Variants in EDN3 observed in about 807,000 individuals in gnomAD.
The protein encoded by EDN3 is endothelin-3.
Under a neutral mutation model 21.4 loss-of-function variants are expected in EDN3, and 9 were observed. The observed-to-expected ratio is 0.42, with a 90% CI of 0.25 to 0.73. The LOEUF is 0.73. EDN3 is among the 30% of genes least tolerant of loss of function. The pLI, the probability that EDN3 is intolerant of heterozygous loss-of-function variation, is 0.26. For missense variants in EDN3, 327 were observed against 309.4 expected, an observed-to-expected ratio of 1.06 and a Z score of -0.43; for synonymous variants, 133 against 126.2, an observed-to-expected ratio of 1.05 and a Z score of -0.36.
chr20:59,309,082 C>A (rs1468595542), intron 2 of EDN3, among the ~76,000 whole-genome samples: 2 of 152,214 alleles, frequency 1.3e-5, no homozygotes, highest in Admixed American at 1.3e-4. Context: ...GCCCTTCCAG[C>A]CCCTCCTTTC....
Position 59,322,437 on chromosome 20 carries a change from G to T in EDN3, c.588+20G>T. The T allele has an allele frequency of 6.2e-7, 1 of 1,614,232 alleles. No homozygotes were observed. The highest frequency in any genetic ancestry group is 8.5e-7 in the Non-Finnish European group (1 of 1,180,042). On this transcript the variant is annotated intron_variant, in intron 4 of 4. Transcript: ENST00000337938. The surrounding 1 kb of genome is among the most constrained non-coding windows in gnomAD (Gnocchi z 4.1). Reference sequence around the variant, plus strand: ...GGGAAGGTGAGAGGTGCCAACAGAGGCCTGTGTCAAAGGAGGTGAAGATGT... The same window carrying T: ...GGGAAGGTGAGAGGTGCCAACAGAGTCCTGTGTCAAAGGAGGTGAAGATGT...
At chr20:59,318,711 C>T (rs767324240) in intron 2 of EDN3, among the ~76,000 whole-genome samples, 13 of 152,206 alleles carry the variant, frequency 8.5e-5, no homozygotes, top group African/African-American at 2.9e-4. Context: ...GCTTGGCGGC[C>T]GGGGAAGTGC....
In EDN3 at chr20:59,301,707, G is replaced by C. The variant is rs774607474; in HGVS notation, c.350G>C (p.Trp117Ser). ...TACTATTGCCACCTGGACATCATTT[G>C]GATCAACACTCCCGAGTAAGTCAGC... ...CVYYCHLDII[W>S]INTPEQTVPY... The change falls in exon 2 of 5, where the codon TGG becomes TCG. Residue 117 changes from tryptophan (W) to serine (S), a missense_variant. Trp to Ser is a radical substitution (Grantham distance 177). Coordinates refer to ENST00000337938, the MANE Select transcript of EDN3 (RefSeq NM_207034.3). The C allele has an allele frequency of 1.2e-6, 2 of 1,614,136 alleles. No individual in the cohort carries two copies. Among genetic ancestry groups the C allele is most frequent in the Non-Finnish European group, 1.7e-6 (2 of 1,179,998 alleles).
In EDN3 at chr20:59,325,290, G is replaced by A. The variant is rs886056886; in HGVS notation, c.*831G>A. The A allele has an allele frequency of 3.3e-5, 5 of 152,564 alleles. No homozygotes were observed. Among genetic ancestry groups the A allele is most frequent in the Non-Finnish European group, 7.3e-5 (5 of 68,034 alleles). The allele number at this position is 152,564 out of a possible 1,614,324, so 9.5% of individuals were successfully genotyped here. On this transcript the variant is annotated 3_prime_UTR_variant, in exon 5 of 5. Coordinates refer to ENST00000337938, the MANE Select transcript of EDN3 (RefSeq NM_207034.3). ...TCATGAGTAAATGTGGATCTTTGGG[G>A]AATGGCTTCAAAATAAGTCACGAAC...
intron 2 of EDN3, among the ~76,000 whole-genome samples, chr20:59,315,149 G>A (rs3026591): frequency 2.0e-5 from 3 of 152,252 alleles, no homozygotes; most frequent in African/African-American, 7.2e-5. Context: ...GAGAGTTGAT[G>A]AGTGGTGCCT....
intron 2 of EDN3, 104 bp from the exon 3 acceptor site, chr20:59,320,912 TC>T (rs1213431605): frequency 1.6e-6 from 2 of 1,265,978 alleles, no homozygotes; most frequent in Non-Finnish European, 2.3e-6. Context: ...AACACCAGTT[TC>T]TGAGACCTTT....
At position 59,322,135 on chromosome 20, in the gene EDN3, T is replaced by C. The variant is rs1600759229; in HGVS notation, c.543-237T>C. 6.6e-6 allele frequency among the ~76,000 whole-genome samples: 1 copy of C among 152,072 alleles called. No homozygotes were observed. The highest frequency in any genetic ancestry group is 2.4e-5 in the African/African-American group (1 of 41,398). On this transcript the variant is annotated intron_variant, in intron 3 of 4. Coordinates refer to ENST00000337938, the MANE Select transcript of EDN3 (RefSeq NM_207034.3). The surrounding 1 kb of genome is among the most constrained non-coding windows in gnomAD (Gnocchi z 4.1). ...AACCCAGTGTGAACTGCATGGTTTT[T>C]CCCCCCTTCTGGGCTTTTAAACATC...
chr20:59,320,787 A>G (rs1990484987), intron 2 of EDN3, among the ~76,000 whole-genome samples: 1 of 152,154 alleles, frequency 6.6e-6, no homozygotes, highest in South Asian at 2.1e-4. Flanking sequence ...CAGACCCTCC[A>G]TGTCCTTCCA....
intron 2 of EDN3, among the ~76,000 whole-genome samples, chr20:59,304,547 C>T (rs562216705): frequency 6.6e-6 from 1 of 152,296 alleles, no homozygotes; most frequent in African/African-American, 2.4e-5. Flanking sequence ...GCCTTTCCTC[C>T]CATGGCGCAT....
rs145582774 is a variant in EDN3 at position 59,324,341 on chromosome 20, A to T, written c.599A>T (p.Lys200Met). The T allele has an allele frequency of 2.5e-6, 4 of 1,614,038 alleles. No individual in the cohort carries two copies. The African/African-American group carries it at 5.3e-5, about 22-fold the overall frequency. Residue 200 changes from lysine (K) to methionine (M), a missense_variant, in exon 5 of 5, where the codon AAG becomes ATG. Lys to Met is a moderately conservative substitution (Grantham distance 95, BLOSUM62 -1). Transcript: ENST00000337938. ...CTTTCCCCAAGACAGGTTGAAGTCA[A>T]GGACCAACAAAGCAAGCAGGCTTTA... ...DKEEEGKVEV[K>M]DQQSKQALDL...
intron 2 of EDN3, among the ~76,000 whole-genome samples, chr20:59,313,796 T>C (rs530288661): frequency 1.3e-5 from 2 of 152,338 alleles, no homozygotes; most frequent in African/African-American, 4.8e-5. Flanking sequence ...TTGTATAATA[T>C]TCTTTAGAAC....
At chr20:59,309,808 T>C (rs1568832739) in intron 2 of EDN3, among the ~76,000 whole-genome samples, 1 of 152,082 alleles carries the variant, frequency 6.6e-6, no homozygotes, top group Non-Finnish European at 1.5e-5. Context: ...GATGCACAGG[T>C]AGAAAGCCCG....
At chr20:59,306,013 G>A (rs1336848236) in intron 2 of EDN3, among the ~76,000 whole-genome samples, 1 of 152,174 alleles carries the variant, frequency 6.6e-6, no homozygotes, top group Non-Finnish European at 1.5e-5. Context: ...CTCAGAGCCT[G>A]GCTGAAGACT....
intron 3 of EDN3, among the ~76,000 whole-genome samples, chr20:59,321,586 A>G (rs1042583350): frequency 5.3e-5 from 8 of 151,806 alleles, no homozygotes. Context: ...GCCCATGATA[A>G]GAGTGCAAAA....
intron 2 of EDN3, among the ~76,000 whole-genome samples, chr20:59,319,234 A>G (rs1023445954): frequency 1.3e-5 from 2 of 152,002 alleles, no homozygotes; most frequent in Non-Finnish European, 2.9e-5. Flanking sequence ...AACAAGAGTC[A>G]ACGAACAGGG....
chr20:59,301,626 A>G lies in EDN3; in HGVS notation c.269A>G (p.Glu90Gly). ...GQEQAAEGAP[E>G]HHRSRRCTCF... is the part of the protein sequence containing the mutation. ...GAGCAGGCGGCCGAGGGGGCCCCTG[A>G]GCACCACCGATCCAGGCGCTGCACG... Residue 90 changes from glutamate to glycine, a missense_variant, in exon 2 of 5, where the codon GAG (glutamate) becomes GGG (glycine). Transcript: ENST00000337938. 6.2e-7 allele frequency: 1 copy of G among 1,614,058 alleles called. No individual in the cohort carries two copies. The highest frequency in any genetic ancestry group is 8.5e-7 in the Non-Finnish European group (1 of 1,179,980).
intron 2 of EDN3, among the ~76,000 whole-genome samples, chr20:59,302,474 T>C (rs377341691): frequency 2.1e-4 from 32 of 152,072 alleles, no homozygotes; most frequent in African/African-American, 7.0e-4. Context: ...CCTGGGGCCA[T>C]GTGGAGAGAG....
chr20:59,316,515 C>T (rs1990198113), intron 2 of EDN3, among the ~76,000 whole-genome samples: 1 of 152,174 alleles, frequency 6.6e-6, no homozygotes, highest in Admixed American at 6.5e-5. Flanking sequence ...ATATACAGGC[C>T]AGTCTCCTGA....
intron 2 of EDN3, among the ~76,000 whole-genome samples, chr20:59,315,876 G>C (rs551374056): frequency 2.0e-5 from 3 of 152,120 alleles, no homozygotes; most frequent in Non-Finnish European, 4.4e-5. Context: ...CTGGAAATCG[G>C]GATGTTTATG....
Sources: gnomAD v4.1 joint callset for allele counts (sites outside exome capture counted in the v4.1 genomes callset) on GRCh38, gnomAD v4.1.1 for gene constraint, Gnocchi (gnomAD v3.1) non-coding constraint, MANE v1.5 for transcripts, NCBI Gene and HGNC (gene_info 2026-07-23, HGNC 2026-07-21) for gene names.